The following ZRANB3 variants were observed in gnomAD, a reference collection of about 807,000 sequenced individuals.
The protein encoded by ZRANB3 is DNA annealing helicase and endonuclease ZRANB3.
ZRANB3 carries 125 observed loss-of-function variants against 133.8 expected under a neutral mutation model. The observed-to-expected ratio is 0.93, with a 90% CI of 0.81 to 1.08. ZRANB3 has a LOEUF of 1.08. ZRANB3 is among the 50% of genes least tolerant of loss of function. The pLI, the probability that ZRANB3 is intolerant of heterozygous loss-of-function variation, is 0.00. For missense variants in ZRANB3, 1,229 were observed against 1,275.5 expected (o/e 0.96, Z 0.56); for synonymous variants, 387 against 432.7 (o/e 0.89, Z 1.31).
chr2:135,306,036 T>C (rs1682676096), intron 8 of ZRANB3, among the ~76,000 whole-genome samples: 1 of 152,244 alleles, frequency 6.6e-6, no homozygotes, highest in South Asian at 2.1e-4. Context: ...CTTTGACTTC[T>C]GACAACAATG....
chr2:135,388,127 C>T (rs1285895929), intron 3 of ZRANB3, among the ~76,000 whole-genome samples: 1 of 152,180 alleles, frequency 6.6e-6, no homozygotes, highest in Non-Finnish European at 1.5e-5. Context: ...AAGGTCACAT[C>T]TTTTACACTG....
intron 3 of ZRANB3, among the ~76,000 whole-genome samples, chr2:135,374,820 G>C (rs1686347826): frequency 6.6e-6 from 1 of 151,946 alleles, no homozygotes; most frequent in African/African-American, 2.4e-5. Context: ...ATCTAATAAA[G>C]ACTTGTACTT....
At chr2:135,516,759 C>T (rs1201596015) in intron 1 of ZRANB3, among the ~76,000 whole-genome samples, 1 of 152,128 alleles carries the variant, frequency 6.6e-6, no homozygotes, top group Non-Finnish European at 1.5e-5. Context: ...CTTGTGGTTG[C>T]TCTTCTCAAG....
intron 1 of ZRANB3, among the ~76,000 whole-genome samples, chr2:135,513,025 A>G (rs1013412946): frequency 6.6e-6 from 1 of 152,212 alleles, no homozygotes; most frequent in African/African-American, 2.4e-5. Context: ...AAGCCAGCCT[A>G]AACAATCTCA....
chr2:135,389,121 C>T (rs1359863240), intron 3 of ZRANB3, among the ~76,000 whole-genome samples: 3 of 152,108 alleles, frequency 2.0e-5, no homozygotes, highest in African/African-American at 7.2e-5. Context: ...AAACAAAAAA[C>T]AACAAAAGAA....
intron 3 of ZRANB3, among the ~76,000 whole-genome samples, chr2:135,373,118 G>A (rs529633127): frequency 2.0e-5 from 3 of 150,692 alleles, no homozygotes; most frequent in African/African-American, 7.3e-5. Flanking sequence ...TCTAGGTGAT[G>A]AGATCTTTTC....
At chr2:135,452,214 T>C (rs1032758421) in intron 2 of ZRANB3, among the ~76,000 whole-genome samples, 5 of 152,174 alleles carry the variant, frequency 3.3e-5, no homozygotes, top group Admixed American at 6.5e-5. Flanking sequence ...TGTGAAACTT[T>C]ATTCACTATC....
intron 6 of ZRANB3, among the ~76,000 whole-genome samples, chr2:135,340,390 G>A (rs115016703): frequency 0.01 from 1,564 of 152,136 alleles, 24 homozygotes; most frequent in African/African-American, 0.036. Context: ...ACAGGCGTTA[G>A]CTACTGCGCC....
intron 1 of ZRANB3, among the ~76,000 whole-genome samples, chr2:135,512,598 C>A: frequency 6.7e-6 from 1 of 149,256 alleles, no homozygotes. Context: ...AAAGACATAC[C>A]CTTAAATAGG....
intron 2 of ZRANB3, among the ~76,000 whole-genome samples, chr2:135,477,271 T>C (rs562580697): frequency 6.6e-6 from 1 of 152,298 alleles, no homozygotes; most frequent in East Asian, 1.9e-4. Flanking sequence ...AGGCAAGCGA[T>C]GATTAGAGGG....
chr2:135,377,461 T>C (rs1224447697), intron 3 of ZRANB3, among the ~76,000 whole-genome samples: 2 of 152,004 alleles, frequency 1.3e-5, no homozygotes, highest in African/African-American at 2.4e-5. Context: ...AAGAAATGCA[T>C]AGATGAGCCT....
chr2:135,346,916 C>A (rs981226228), intron 5 of ZRANB3, among the ~76,000 whole-genome samples: 4 of 152,264 alleles, frequency 2.6e-5, no homozygotes, highest in Admixed American at 2.6e-4. Flanking sequence ...CCCAAAAAAC[C>A]TCCACACCCA....
intron 8 of ZRANB3, among the ~76,000 whole-genome samples, chr2:135,293,875 T>C (rs1453501162): frequency 6.6e-6 from 1 of 150,722 alleles, no homozygotes; most frequent in Non-Finnish European, 1.5e-5. Context: ...TGTCTTTGGT[T>C]CTGTTTATAT....
intron 2 of ZRANB3, among the ~76,000 whole-genome samples, chr2:135,500,103 C>T (rs1692867927): frequency 6.6e-6 from 1 of 152,164 alleles, no homozygotes; most frequent in South Asian, 2.1e-4. Context: ...GGAACAAACC[C>T]TGCCCACACC....
intron 2 of ZRANB3, among the ~76,000 whole-genome samples, chr2:135,417,920 T>G (rs1380502859): frequency 1.3e-5 from 2 of 151,738 alleles, no homozygotes; most frequent in Non-Finnish European, 2.9e-5. Context: ...TGAGAACACA[T>G]GGACACAGGA....
intron 1 of ZRANB3, 114 bp downstream of exon 1, chr2:135,531,013 A>G (rs905822826): frequency 1.1e-4 from 16 of 152,282 alleles, no homozygotes; most frequent in Admixed American, 7.2e-4. Flanking sequence ...TAAGGGGAGG[A>G]GCCAACCCCT....
At chr2:135,498,459 T>A (rs1692780893) in intron 2 of ZRANB3, among the ~76,000 whole-genome samples, 1 of 152,226 alleles carries the variant, frequency 6.6e-6, no homozygotes, top group Non-Finnish European at 1.5e-5. Context: ...AATCTCTTAA[T>A]CCCATCATCT....
chr2:135,370,225 G>C (rs1001505838), intron 3 of ZRANB3, among the ~76,000 whole-genome samples: 26 of 150,860 alleles, frequency 1.7e-4, no homozygotes, highest in African/African-American at 6.1e-4. Context: ...GTAGTGTTTG[G>C]TTATATGAGT....
chr2:135,369,657 G>A (rs1352397246), intron 3 of ZRANB3, among the ~76,000 whole-genome samples: 2 of 152,096 alleles, frequency 1.3e-5, no homozygotes, highest in South Asian at 2.1e-4. Flanking sequence ...GAAAAAGTGA[G>A]ACCACTATAG....
Sources: gnomAD v4.1 joint callset for allele counts (sites outside exome capture counted in the v4.1 genomes callset) on GRCh38, gnomAD v4.1.1 for gene constraint, MANE v1.5 for transcripts, NCBI Gene and HGNC (gene_info 2026-07-23, HGNC 2026-07-21) for gene names.